NOL8: variants seen among roughly 807,000 people sequenced by gnomAD.
The protein encoded by NOL8 is nucleolar protein Nop132.
Under a neutral mutation model 116.1 loss-of-function variants are expected in NOL8, and 93 were observed. That is an observed-to-expected ratio of 0.80 (90% CI 0.68 to 0.95). The LOEUF is 0.95. Among genes scored for constraint, NOL8 ranks in the 40% least tolerant of loss-of-function variants. NOL8 has a pLI of 0.00. For missense variants in NOL8, 1,291 were observed against 1,382.8 expected, an observed-to-expected ratio of 0.93 and a Z score of 1.05; for synonymous variants, 419 against 469.0, an observed-to-expected ratio of 0.89 and a Z score of 1.38.
At chr9:92,306,823 A>T in intron 11 of NOL8, 63 bp downstream of exon 11, 2 of 1,503,788 alleles carry the variant, frequency 1.3e-6, no homozygotes, top group Non-Finnish European at 1.8e-6. Context: ...TTTTAAATTG[A>T]GTTCAAGAAG....
intron 10 of NOL8, among the ~76,000 whole-genome samples, chr9:92,307,383 T>TG (rs1285470065): frequency 7.0e-6 from 1 of 142,944 alleles, no homozygotes; most frequent in Non-Finnish European, 1.6e-5. Flanking sequence ...ATTCTAAACA[T>TG]AATCTAAATT....
chr9:92,314,016 CAA>C (rs1839113101), intron 7 of NOL8, among the ~76,000 whole-genome samples: 1 of 152,132 alleles, frequency 6.6e-6, no homozygotes, highest in African/African-American at 2.4e-5. Context: ...AATCACTTGA[CAA>C]GTGATTTTTA....
chr9:92,305,639 A>G (rs1045643655), intron 12 of NOL8, 114 bp downstream of exon 12: 2 of 765,654 alleles, frequency 2.6e-6, no homozygotes, highest in Non-Finnish European at 4.5e-6. Context: ...TACCCCACCA[A>G]TCTTAATACA....
chr9:92,316,437 G>T (rs1839419198), intron 6 of NOL8, among the ~76,000 whole-genome samples: 1 of 152,148 alleles, frequency 6.6e-6, no homozygotes, highest in Non-Finnish European at 1.5e-5. Context: ...AGGTCTCAGG[G>T]CTATTTTCTG....
At position 92,315,022 on chromosome 9, in the gene NOL8, C is replaced by A; in HGVS notation, c.1603G>T (p.Gly535Cys). The stretch of plus-strand genomic sequence containing the variant: ...TCCGCAGGACGAATACACTGTCGGC[C>A]TCTGCGGAGGCCAGTGGGAGTCTTG... ...SPKTPTGLRR[G>C]RQCIRPAEIV... The change falls in exon 7 of 17, where the codon GGC becomes TGC. Residue 535 changes from glycine (G) to cysteine (C), a missense_variant. Physicochemically the swap from Gly to Cys is radical, Grantham distance 159 (BLOSUM62 -3). Transcript: ENST00000442668. 1 of 1,614,036 alleles carries A rather than the reference C, an allele frequency of 6.2e-7. No homozygotes were observed. The highest frequency in any genetic ancestry group is 1.1e-5 in the South Asian group (1 of 91,088).
chr9:92,321,803 G>C, intron 3 of NOL8, 57 bp from the exon 4 acceptor site: 1 of 884,422 alleles, frequency 1.1e-6, no homozygotes, highest in Non-Finnish European at 1.7e-6. Context: ...ATTTCAGCTT[G>C]TGCTTTTTCT....
rs1323663527 is a variant in NOL8 at position 92,306,819 on chromosome 9, A to G, written c.2825+67T>C. 10 of 1,492,570 alleles carry G rather than the reference A, an allele frequency of 6.7e-6. 1 individual carries two copies. The highest frequency in any genetic ancestry group is 8.2e-6 in the Non-Finnish European group (9 of 1,092,552). 92.5% of individuals were successfully genotyped at this position (1,492,570 alleles called of 1,614,324 possible). ...GCCATTAAAAGAGACCTAGTTTTAAATTGAGTTCAAGAAGACATTTATGGC... is the reference window on the plus strand; with the variant it reads ...GCCATTAAAAGAGACCTAGTTTTAAGTTGAGTTCAAGAAGACATTTATGGC... On this transcript the variant is annotated intron_variant, in intron 11 of 16. Transcript: ENST00000442668.
intron 12 of NOL8, among the ~76,000 whole-genome samples, chr9:92,305,048 GC>G (rs1049323513): frequency 5.9e-5 from 9 of 151,838 alleles, no homozygotes; most frequent in African/African-American, 1.9e-4. Flanking sequence ...TTGAATGGTT[GC>G]CCCCCAAAAG....
At chr9:92,320,999 T>C (rs1839879908) in intron 4 of NOL8, among the ~76,000 whole-genome samples, 1 of 152,264 alleles carries the variant, frequency 6.6e-6, no homozygotes, top group Non-Finnish European at 1.5e-5. Context: ...TTAAAAGCTC[T>C]AATGGTTTTT....
At chr9:92,323,872 G>A in intron 2 of NOL8, 151 bp downstream of exon 2, 2 of 816,642 alleles carry the variant, frequency 2.4e-6, no homozygotes, top group Non-Finnish European at 3.6e-6. Context: ...ACAAATTCTG[G>A]TCAAGTTCCA....
At chr9:92,301,263 A>G (rs1490204233) in intron 13 of NOL8, among the ~76,000 whole-genome samples, 3 of 152,220 alleles carry the variant, frequency 2.0e-5, no homozygotes, top group African/African-American at 7.2e-5. Context: ...GTGATTTACT[A>G]TACTTCTTCA....
At chr9:92,299,539 T>C (rs1837535817) in intron 14 of NOL8, among the ~76,000 whole-genome samples, 1 of 152,120 alleles carries the variant, frequency 6.6e-6, no homozygotes, top group Non-Finnish European at 1.5e-5. Context: ...TTACTTGAGG[T>C]CAGGAGTTCG....
chr9:92,315,437 GT>G lies in NOL8; in HGVS notation c.1187del (p.Asn396ThrfsTer39). ...AMKKNVAKVK[N>X]STEFSQMEKS... is the part of the protein sequence containing the mutation. Reference sequence around the variant, plus strand: ...TTTCCATTTGTGAAAATTCTGTACTGTTTTTGACCTTAGCAACATTTTTTTT... The same window carrying G: ...TTTCCATTTGTGAAAATTCTGTACTGTTTTGACCTTAGCAACATTTTTTTT... On this transcript the variant is annotated frameshift_variant, in exon 7 of 17. Transcript: ENST00000442668. LOFTEE classifies it high-confidence loss of function. 1 of 1,592,490 alleles carries G rather than the reference GT, an allele frequency of 6.3e-7. No individual in the cohort carries two copies.
chr9:92,319,394 T>G (rs1429294716), intron 4 of NOL8, 38 bp from the exon 5 acceptor site: 1 of 1,499,158 alleles, frequency 6.7e-7, no homozygotes, highest in Non-Finnish European at 8.8e-7. Flanking sequence ...AGAGTCAAAA[T>G]AATCAGCCAC....
At chr9:92,308,699 TA>T (rs1285374308) in intron 10 of NOL8, among the ~76,000 whole-genome samples, 2 of 152,138 alleles carry the variant, frequency 1.3e-5, no homozygotes, top group Non-Finnish European at 2.9e-5. Flanking sequence ...ACCAGGAAGT[TA>T]TGATGCAATT....
chr9:92,315,516 A>G lies in NOL8; in HGVS notation c.1109T>C (p.Met370Thr), dbSNP rs1038448607. ...TGAGTCATACTCACGATCATTTCTCATAATATCATCATCACTATCATGGCA... is the reference window on the plus strand; with the variant it reads ...TGAGTCATACTCACGATCATTTCTCGTAATATCATCATCACTATCATGGCA... ...VSCHDSDDDI[M>T]RNDREYDSGD... The change falls in exon 7 of 17, where the codon ATG becomes ACG. Residue 370 changes from methionine (M) to threonine (T), a missense_variant. Transcript: ENST00000442668. 1.2e-6 allele frequency: 2 copies of G among 1,609,336 alleles called. No homozygotes were observed. The highest frequency in any genetic ancestry group is 1.3e-5 in the African/African-American group (1 of 74,840).
intron 3 of NOL8, chr9:92,322,821 T>C (rs530011376): frequency 6.6e-6 from 1 of 152,436 alleles, no homozygotes; most frequent in South Asian, 2.1e-4. Context: ...AATAAAGCAA[T>C]CTTTTCGCAA....
At chr9:92,307,412 TAA>T (rs1399623118) in intron 10 of NOL8, among the ~76,000 whole-genome samples, 2 of 152,182 alleles carry the variant, frequency 1.3e-5, no homozygotes, top group African/African-American at 2.4e-5. Flanking sequence ...CTAAAAATGA[TAA>T]AGAGTGAAAA....
intron 13 of NOL8, chr9:92,300,656 T>C: frequency 9.6e-7 from 1 of 1,047,102 alleles, no homozygotes; most frequent in Non-Finnish European, 1.2e-6. Flanking sequence ...TACTCAACAG[T>C]TTATATAGAC....
Sources: gnomAD v4.1 joint callset for allele counts (sites outside exome capture counted in the v4.1 genomes callset) on GRCh38, gnomAD v4.1.1 for gene constraint, MANE v1.5 for transcripts, NCBI Gene and HGNC (gene_info 2026-07-23, HGNC 2026-07-21) for gene names.